Variants in PLEKHA8 observed in about 807,000 individuals in gnomAD.
PLEKHA8 encodes the protein pleckstrin homology domain containing A8, also known as pleckstrin homology domain-containing family A member 8.
PLEKHA8 carries 36 observed loss-of-function variants against 68.2 expected under a neutral mutation model. The observed-to-expected ratio is 0.53, with a 90% CI of 0.40 to 0.70. The LOEUF (loss-of-function observed/expected upper bound fraction) is 0.70, where lower values mean the gene tolerates loss of function less well. Ranked by LOEUF, PLEKHA8 falls within the 30% of genes least tolerant of loss-of-function variation. The pLI is 0.00. For missense variants in PLEKHA8, 505 were observed against 615.4 expected (o/e 0.82, Z 1.90); for synonymous variants, 211 against 216.1 (o/e 0.98, Z 0.20).
chr7:30,110,912 T>TG (rs1193322794), intron 13 of PLEKHA8, among the ~76,000 whole-genome samples: 2 of 147,378 alleles, frequency 1.4e-5, no homozygotes. Context: ...TTGAGGTTGT[T>TG]TTTTTTTTTT....
chr7:30,108,083 A>AAAAAAC (rs1796136506), intron 13 of PLEKHA8, among the ~76,000 whole-genome samples: 3 of 144,458 alleles, frequency 2.1e-5, no homozygotes, highest in African/African-American at 7.4e-5. Flanking sequence ...AAAAAAAAAA[A>AAAAAAC]AAAAAAAAAC....
In PLEKHA8 at chr7:30,115,840, A is replaced by G. The variant is rs1328277598; in HGVS notation, c.1363-13426A>G. On this transcript the variant is annotated intron_variant, in intron 13 of 13. Transcript: ENST00000396257. ...TGTATACATGCGTGCACATACATGT[A>G]TACACGTATGCATACATACGTGCAC... is the stretch of plus-strand genomic sequence containing the variant. 4 of 150,632 alleles carry G rather than the reference A, an allele frequency of 2.7e-5. 1 individual carries two copies. The highest frequency in any genetic ancestry group is 3.4e-3 in the Middle Eastern group (1 of 292). 9.3% of individuals were successfully genotyped at this position (150,632 alleles called of 1,614,324 possible).
At chr7:30,100,587 AT>A (rs1282154119) in intron 13 of PLEKHA8, among the ~76,000 whole-genome samples, 2 of 152,074 alleles carry the variant, frequency 1.3e-5, no homozygotes, top group African/African-American at 4.8e-5. Context: ...AATAAATCTT[AT>A]AGAGGAACAC....
At chr7:30,063,120 G>A (rs528678051) in intron 12 of PLEKHA8, among the ~76,000 whole-genome samples, 17 of 152,226 alleles carry the variant, frequency 1.1e-4, no homozygotes, top group Non-Finnish European at 1.6e-4. Context: ...GCGGGTTGGC[G>A]TGGGGGAATC....
rs1794997251 is a variant in PLEKHA8 at position 30,082,597 on chromosome 7, T to C, written c.*3810T>C. 1.0e-6 allele frequency: 1 copy of C among 985,144 alleles called. No homozygotes were observed. Among genetic ancestry groups the C allele is most frequent in the African/African-American group, 1.7e-5 (1 of 57,238 alleles). 61.0% of individuals were successfully genotyped at this position (985,144 alleles called of 1,614,324 possible). On this transcript the variant is annotated 3_prime_UTR_variant, in exon 14 of 14. Coordinates refer to ENST00000449726, the MANE Select transcript of PLEKHA8 (RefSeq NM_001197026.2). ...GCACTCTTCTCCTTTTGGTTATTAC[T>C]TTCCAAATATATTAACAAAAAGTTG...
At position 30,079,510 on chromosome 7, in the gene PLEKHA8, A is replaced by G. The variant is rs1794816278; in HGVS notation, c.*723A>G. ...TTGAGATGACACCTCCCAACTGCCT[A>G]CCATTTACCAGCATGTTCCCCATGC... On this transcript the variant is annotated 3_prime_UTR_variant, in exon 14 of 14. Coordinates refer to ENST00000449726, the MANE Select transcript of PLEKHA8 (RefSeq NM_001197026.2). The G allele has an allele frequency of 2.0e-6, 2 of 978,562 alleles. No individual in the cohort carries two copies. The highest frequency in any genetic ancestry group is 2.4e-6 in the Non-Finnish European group (2 of 823,698). 60.6% of individuals were successfully genotyped at this position (978,562 alleles called of 1,614,324 possible).
At chr7:30,093,169 A>G (rs866112237), downstream of PLEKHA8, among the ~76,000 whole-genome samples, 2 of 152,202 alleles carry the variant, frequency 1.3e-5, no homozygotes, top group African/African-American at 4.8e-5. Flanking sequence ...GTCCAATTTC[A>G]GTTATAACTA....
Position 30,061,936 on chromosome 7 carries a change from A to G in PLEKHA8, c.1138A>G (p.Thr380Ala), listed in dbSNP as rs1793471828. The G allele has an allele frequency of 1.2e-6, 2 of 1,614,028 alleles. No individual in the cohort carries two copies. The highest frequency in any genetic ancestry group is 2.7e-5 in the African/African-American group (2 of 74,942). The change falls in exon 11 of 14, where the codon ACC becomes GCC. Residue 380 changes from threonine to alanine, a missense_variant. Transcript: ENST00000449726. Reference sequence around the variant, plus strand: ...GTATATAACCAACAAAGAAGAGTTTACCACTCTCCAGAAGATAGTGCTGCA... The same window carrying G: ...GTATATAACCAACAAAGAAGAGTTTGCCACTCTCCAGAAGATAGTGCTGCA... ...QKYITNKEEF[T>A]TLQKIVLHEV... is the part of the protein sequence containing the mutation.
intron 12 of PLEKHA8, among the ~76,000 whole-genome samples, chr7:30,067,773 T>C (rs933967719): frequency 5.9e-5 from 9 of 152,268 alleles, no homozygotes; most frequent in East Asian, 1.9e-4. Context: ...TTTCAGACTT[T>C]AGCCACTGTT....
chr7:30,073,048 ATCTGGT>A (rs1794364628), intron 12 of PLEKHA8, among the ~76,000 whole-genome samples: 1 of 152,198 alleles, frequency 6.6e-6, no homozygotes, highest in Non-Finnish European at 1.5e-5. Context: ...AAATGCATCC[ATCTGGT>A]TCTTGGGATT....
At position 30,078,897 on chromosome 7, in the gene PLEKHA8, G is replaced by T; in HGVS notation, c.*110G>T. The T allele has an allele frequency of 6.9e-7, 1 of 1,455,324 alleles. No individual in the cohort carries two copies. 90.2% of individuals were successfully genotyped at this position (1,455,324 alleles called of 1,614,324 possible). On this transcript the variant is annotated 3_prime_UTR_variant, in exon 14 of 14. Coordinates refer to ENST00000449726, the MANE Select transcript of PLEKHA8 (RefSeq NM_001197026.2). ...ACCCTCTCCAACCCCTTCACCTGGG[G>T]GGATGGACAGGAGGTGGCAAAACCC...
chr7:30,080,389 A>G lies in PLEKHA8; in HGVS notation c.*1602A>G, dbSNP rs921672627. 2.0e-6 allele frequency: 2 copies of G among 985,140 alleles called. No homozygotes were observed. The highest frequency in any genetic ancestry group is 4.7e-5 in the South Asian group (1 of 21,286). 61.0% of individuals were successfully genotyped at this position (985,140 alleles called of 1,614,324 possible). ...AGGAAGGGAAGTTCCAGCATGAGGT[A>G]GTTATCCAGGGTAGAAGGTCCTTTG... On this transcript the variant is annotated 3_prime_UTR_variant, in exon 14 of 14. Transcript: ENST00000449726.
chr7:30,090,378 T>C, exon 13 of PLEKHA8: 1 of 577,070 alleles, frequency 1.7e-6, no homozygotes, highest in Non-Finnish European at 3.0e-6. Flanking sequence ...AACCAAGTCG[T>C]CAAATCTAAT....
chr7:30,090,535 G>GA (rs1795374368), exon 13 of PLEKHA8: 1 of 211,998 alleles, frequency 4.7e-6, no homozygotes, highest in Non-Finnish European at 9.5e-6. Flanking sequence ...AGGTCAAACT[G>GA]GAAATTATAG....
At chr7:30,096,585 G>T (rs1046153005) in intron 13 of PLEKHA8, among the ~76,000 whole-genome samples, 1 of 152,086 alleles carries the variant, frequency 6.6e-6, no homozygotes, top group African/African-American at 2.4e-5. Context: ...GTGAGAGAGG[G>T]CATCTTTGTC....
At chr7:30,029,678 A>C (rs1022853076) in intron 1 of PLEKHA8, among the ~76,000 whole-genome samples, 8 of 152,224 alleles carry the variant, frequency 5.3e-5, no homozygotes, top group African/African-American at 1.9e-4. Flanking sequence ...TTAGGTCTTT[A>C]AAATTTTAAA....
At position 30,081,855 on chromosome 7, in the gene PLEKHA8, A is replaced by G; in HGVS notation, c.*3068A>G. The G allele has an allele frequency of 1.0e-6, 1 of 985,410 alleles. No individual in the cohort carries two copies. The highest frequency in any genetic ancestry group is 1.2e-6 in the Non-Finnish European group (1 of 829,888). 61.0% of individuals were successfully genotyped at this position (985,410 alleles called of 1,614,324 possible). On this transcript the variant is annotated 3_prime_UTR_variant, in exon 14 of 14. Transcript: ENST00000449726. ...GTAAAAGCCAGTGTTTACACTTTGT[A>G]GGGATCAGGGTGTATTTGTTGAATT...
rs560243881 is a variant in PLEKHA8, at chr7:30,079,275, C to T, written c.*488C>T. ...TGTTCCTAGATGTTCTTCAGTGGAC[C>T]CTCTTCACTGCAACTCTGTCAGTGA... On this transcript the variant is annotated 3_prime_UTR_variant, in exon 14 of 14. Transcript: ENST00000449726. 1.6e-5 allele frequency: 16 copies of T among 989,014 alleles called. No individual in the cohort carries two copies. The African/African-American group carries it at 2.8e-4, about 17-fold the overall frequency. 61.3% of individuals were successfully genotyped at this position (989,014 alleles called of 1,614,324 possible). A position where few individuals can be genotyped will look rare whatever the true frequency, so the allele number is the denominator to read the frequency against.
chr7:30,117,504 A>C (rs1350947128), intron 13 of PLEKHA8, among the ~76,000 whole-genome samples: 1 of 152,168 alleles, frequency 6.6e-6, no homozygotes, highest in East Asian at 1.9e-4. Context: ...CAGGAATTTG[A>C]GACCAGCCTG....
Sources: allele counts gnomAD v4.1 joint callset (sites outside exome capture counted in the v4.1 genomes callset), GRCh38; gene constraint gnomAD v4.1.1; transcripts MANE v1.5; gene names NCBI Gene and HGNC (gene_info 2026-07-23, HGNC 2026-07-21).